The following PKNOX2 variants were observed in gnomAD, a reference collection of about 807,000 sequenced individuals.
PKNOX2 encodes the protein homeobox protein PKNOX2.
Under a neutral mutation model 53.1 loss-of-function variants are expected in PKNOX2, and 14 were observed. The ratio of observed to expected loss-of-function variants is 0.26; its 90% CI spans 0.17 to 0.41. The LOEUF is 0.41. Ranked by LOEUF, PKNOX2 falls within the 10% of genes least tolerant of loss-of-function variation. The probability of loss-of-function intolerance (pLI) is 1.00; values close to 1 mark genes in which losing one functional copy is unlikely to be tolerated. For missense variants in PKNOX2, 496 were observed against 602.8 expected (o/e 0.82, Z 1.85); for synonymous variants, 257 against 242.8 (o/e 1.06, Z -0.54).
In PKNOX2 at chr11:125,351,371, A is replaced by G. The variant is rs754148196; in HGVS notation, c.66A>G (p.Pro22=). The change falls in exon 4 of 13, where the codon CCA becomes CCG. Residue 22 remains proline (P), a synonymous_variant. Coordinates refer to ENST00000298282, the MANE Select transcript of PKNOX2 (RefSeq NM_001382323.2). ...TGGCCACGCAGAATGTCCCGCCCCC[A>G]CCCTACCAGGACAGCCCACAGGTGA... ...TMMATQNVPP[P]PYQDSPQMTA... is the part of the protein sequence containing the mutation. 9 of 1,598,928 alleles carry G rather than the reference A, an allele frequency of 5.6e-6. No individual in the cohort carries two copies. The highest frequency in any genetic ancestry group is 6.8e-6 in the Non-Finnish European group (8 of 1,169,126).
chr11:125,283,721 G>A (rs1591511946), intron 2 of PKNOX2, among the ~76,000 whole-genome samples: 1 of 152,168 alleles, frequency 6.6e-6, no homozygotes, highest in East Asian at 1.9e-4. Flanking sequence ...TTTGACCCAA[G>A]ACAAGACTAG....
At chr11:125,233,096 T>C (rs1268878879) in intron 1 of PKNOX2, among the ~76,000 whole-genome samples, 1 of 152,212 alleles carries the variant, frequency 6.6e-6, no homozygotes, top group Non-Finnish European at 1.5e-5. Context: ...GATGTTATTG[T>C]GCAAGAAATA....
Position 125,352,236 on chromosome 11 carries a change from C to T in PKNOX2, c.87+844C>T, listed in dbSNP as rs76950382. On this transcript the variant is annotated intron_variant, in intron 4 of 12. Transcript: ENST00000298282. This position sits in a 1 kb window ranked among gnomAD's most constrained non-coding sequence, Gnocchi z 4.1. ...TTTTGTGTCTGTGCTTTCACAGAAG[C>T]CTTCATTCTCTGACCCTTCCCTTCA... Among the ~76,000 whole-genome samples the T allele has an allele frequency of 9.4e-3, 1,433 of 152,336 alleles. 11 individuals are homozygous for T. Among genetic ancestry groups the T allele is most frequent in the Non-Finnish European group, 0.017 (1,188 of 68,036 alleles).
At chr11:125,424,349 A>G (rs720658) in intron 10 of PKNOX2, among the ~76,000 whole-genome samples, 122,237 of 152,122 alleles carry the variant, frequency 0.8, 49,565 homozygotes, top group East Asian at 1. Context: ...ATTCTAAAAG[A>G]CTTTTTTTTT....
chr11:125,270,032 C>T (rs902655960), intron 2 of PKNOX2, among the ~76,000 whole-genome samples: 11 of 152,166 alleles, frequency 7.2e-5, no homozygotes, highest in African/African-American at 2.7e-4. Flanking sequence ...TCTGAATATT[C>T]CACCATCGCC....
chr11:125,171,569 G>A (rs1446719801), intron 1 of PKNOX2, among the ~76,000 whole-genome samples: 1 of 152,222 alleles, frequency 6.6e-6, no homozygotes, highest in Non-Finnish European at 1.5e-5. Context: ...CATCTGTTAA[G>A]TCCCTAGCAC....
In PKNOX2 at chr11:125,323,824, C is replaced by T. The variant is rs840022; in HGVS notation, c.-129-7995C>T. Among the ~76,000 whole-genome samples, 637 of 151,468 alleles carry T rather than the reference C, an allele frequency of 4.2e-3. 3 individuals carry two copies. The highest frequency in any genetic ancestry group is 5.1e-3 in the Non-Finnish European group (346 of 67,888). ...GCATGACCCTGAACTGGAATCTGTG[C>T]CTTTGTGTGTCTGTGACACTGTTTC... is the stretch of plus-strand genomic sequence containing the variant. On this transcript the variant is annotated intron_variant, in intron 2 of 12. Transcript: ENST00000298282.
intron 3 of PKNOX2, among the ~76,000 whole-genome samples, chr11:125,334,998 A>C (rs1303388268): frequency 6.6e-6 from 1 of 152,192 alleles, no homozygotes; most frequent in African/African-American, 2.4e-5. Flanking sequence ...AGAATGCACA[A>C]GAATGCACCT....
chr11:125,295,860 C>T (rs1461277557), intron 2 of PKNOX2, among the ~76,000 whole-genome samples: 6 of 152,180 alleles, frequency 3.9e-5, no homozygotes, highest in Non-Finnish European at 8.8e-5. Flanking sequence ...TCCTTCTGTA[C>T]CGCCGGTAGC....
intron 1 of PKNOX2, among the ~76,000 whole-genome samples, chr11:125,178,636 A>AGG: frequency 3.2e-5 from 3 of 94,322 alleles, no homozygotes; most frequent in African/African-American, 7.2e-5. Flanking sequence ...GAAAGAAAGA[A>AGG]AGAAAGAAAG....
chr11:125,199,235 C>A (rs1317188086), intron 1 of PKNOX2, among the ~76,000 whole-genome samples: 1 of 152,094 alleles, frequency 6.6e-6, no homozygotes, highest in African/African-American at 2.4e-5. Context: ...CTCTGCTGAC[C>A]AGCCCCAGTC....
At chr11:125,373,975 G>A (rs1252151983) in intron 5 of PKNOX2, among the ~76,000 whole-genome samples, 1 of 152,138 alleles carries the variant, frequency 6.6e-6, no homozygotes, top group African/African-American at 2.4e-5. Flanking sequence ...GCTGGTGGAT[G>A]GGGTGGGAGG....
intron 1 of PKNOX2, among the ~76,000 whole-genome samples, chr11:125,183,331 C>T (rs1271514761): frequency 8.8e-6 from 1 of 114,070 alleles, no homozygotes; most frequent in Non-Finnish European, 1.9e-5. Flanking sequence ...ATTCTCCTGC[C>T]TCAGCCTCCC....
intron 5 of PKNOX2, among the ~76,000 whole-genome samples, chr11:125,378,525 T>C (rs2135319500): frequency 6.6e-6 from 1 of 152,266 alleles, no homozygotes; most frequent in African/African-American, 2.4e-5. Context: ...GACCCTGGGC[T>C]TCCCTCTTCC....
chr11:125,323,313 C>T (rs555771797), intron 2 of PKNOX2, among the ~76,000 whole-genome samples: 2 of 152,310 alleles, frequency 1.3e-5, no homozygotes, highest in East Asian at 3.9e-4. Context: ...GGGAGAAAGG[C>T]ATTTTAAATA....
chr11:125,406,823 C>T (rs572975416), intron 7 of PKNOX2, among the ~76,000 whole-genome samples: 32 of 145,382 alleles, frequency 2.2e-4, no homozygotes, highest in African/African-American at 3.1e-4. Flanking sequence ...TCAGCGTGTA[C>T]GATCTTTGGG....
At chr11:125,224,025 GGCT>G (rs1334939531) in intron 1 of PKNOX2, among the ~76,000 whole-genome samples, 1 of 152,236 alleles carries the variant, frequency 6.6e-6, no homozygotes. Flanking sequence ...AGAAGGCAGC[GGCT>G]GCTGCGGCCT....
intron 7 of PKNOX2, among the ~76,000 whole-genome samples, chr11:125,400,628 C>T (rs1288190163): frequency 1.3e-5 from 2 of 152,138 alleles, no homozygotes; most frequent in African/African-American, 4.8e-5. Context: ...CCCCCACAAC[C>T]CCATCATCTC....
In PKNOX2 at chr11:125,410,263, C is replaced by T; in HGVS notation, c.656C>T (p.Pro219Leu). ...AATAACCCCCAGGGGATTGTGGTCCCAGCCTCAGCGCTCCAGCAGGGCAAC... is the reference window on the plus strand; with the variant it reads ...AATAACCCCCAGGGGATTGTGGTCCTAGCCTCAGCGCTCCAGCAGGGCAAC... Reference protein sequence around the residue: ...VSNNPQGIVVPASALQQGNIA... With the variant: ...VSNNPQGIVVLASALQQGNIA... Residue 219 changes from proline (P) to leucine (L), a missense_variant, in exon 8 of 13, where the codon CCA (proline) becomes CTA (leucine). Pro to Leu is a moderately conservative substitution (Grantham distance 98, BLOSUM62 -3). This residue lies in a region of PKNOX2 where 141 missense variants were observed against 143.9 expected (regional missense o/e 0.98). Transcript: ENST00000298282. 1 of 1,614,066 alleles carries T rather than the reference C, an allele frequency of 6.2e-7. No homozygotes were observed. The highest frequency in any genetic ancestry group is 8.5e-7 in the Non-Finnish European group (1 of 1,179,998).
Sources: gnomAD v4.1 joint callset for allele counts (sites outside exome capture counted in the v4.1 genomes callset) on GRCh38, gnomAD v4.1.1 for gene constraint, gnomAD v4.1.1 regional missense constraint, Gnocchi (gnomAD v3.1) non-coding constraint, MANE v1.5 for transcripts, NCBI Gene and HGNC (gene_info 2026-07-23, HGNC 2026-07-21) for gene names.